The following TSHZ3 variants were observed in gnomAD, a reference collection of about 807,000 sequenced individuals.
The protein encoded by TSHZ3 is teashirt homolog 3.
A neutral mutation model predicts 64.5 loss-of-function variants in TSHZ3; 10 were observed. The observed-to-expected ratio is 0.16, with a 90% CI of 0.10 to 0.26. The LOEUF (loss-of-function observed/expected upper bound fraction) is 0.26, where lower values mean the gene tolerates loss of function less well. TSHZ3 is among the 10% of genes least tolerant of loss of function. The pLI is 1.00. For missense variants in TSHZ3, 1,242 were observed against 1,421.7 expected (o/e 0.87, Z 2.03); for synonymous variants, 608 against 593.1 (o/e 1.03, Z -0.36).
chr19:31,335,418 T>C (rs541798233), intron 1 of TSHZ3, among the ~76,000 whole-genome samples: 30 of 152,162 alleles, frequency 2.0e-4, no homozygotes, highest in Non-Finnish European at 3.5e-4. Context: ...GACACTGCCA[T>C]CCACCTGAAG....
At chr19:31,168,539 G>T (rs554810389) in intron 5 of TSHZ3, among the ~76,000 whole-genome samples, 3 of 152,256 alleles carry the variant, frequency 2.0e-5, no homozygotes, top group African/African-American at 4.8e-5. Flanking sequence ...AATTCCACTT[G>T]GAAAATGGCA....
At chr19:31,208,151 A>G (rs889289809) in intron 4 of TSHZ3, among the ~76,000 whole-genome samples, 2 of 152,228 alleles carry the variant, frequency 1.3e-5, no homozygotes, top group Non-Finnish European at 2.9e-5. Flanking sequence ...TGGGGTCCCA[A>G]GCAACAAAAA....
At chr19:31,301,472 C>T (rs1350754517) in intron 1 of TSHZ3, among the ~76,000 whole-genome samples, 3 of 152,186 alleles carry the variant, frequency 2.0e-5, no homozygotes, top group South Asian at 2.1e-4. Context: ...GCCCTGGTCA[C>T]GCCGTCTTGT....
At chr19:31,212,780 G>A (rs1455625247) in intron 4 of TSHZ3, among the ~76,000 whole-genome samples, 1 of 152,144 alleles carries the variant, frequency 6.6e-6, no homozygotes, top group South Asian at 2.1e-4. Flanking sequence ...TAAAATTTAT[G>A]TCTCACAAAA....
chr19:31,238,556 A>T (rs1432064611), intron 3 of TSHZ3, among the ~76,000 whole-genome samples: 1 of 152,140 alleles, frequency 6.6e-6, no homozygotes, highest in African/African-American at 2.4e-5. Context: ...GTGCCCGGCT[A>T]TGAATTTTGA....
chr19:31,283,761 T>C (rs757116321), intron 1 of TSHZ3, among the ~76,000 whole-genome samples: 20 of 152,356 alleles, frequency 1.3e-4, no homozygotes, highest in Middle Eastern at 3.4e-3. Flanking sequence ...AGTGGAGTAG[T>C]TCCTCTGTGC....
chr19:31,163,506 C>A (rs137904937), intron 5 of TSHZ3, among the ~76,000 whole-genome samples: 1 of 151,948 alleles, frequency 6.6e-6, no homozygotes, highest in Non-Finnish European at 1.5e-5. Flanking sequence ...CCGAGGTGGG[C>A]GGATCACTTG....
At chr19:31,285,700 C>A (rs1489613367) in intron 1 of TSHZ3, among the ~76,000 whole-genome samples, 1 of 131,254 alleles carries the variant, frequency 7.6e-6, no homozygotes, top group Non-Finnish European at 1.6e-5. Flanking sequence ...ACGAGAATTG[C>A]TTGAACCTGG....
chr19:31,232,887 C>T (rs1235430047), intron 3 of TSHZ3, among the ~76,000 whole-genome samples: 1 of 152,220 alleles, frequency 6.6e-6, no homozygotes, highest in Admixed American at 6.5e-5. Flanking sequence ...CATCCATGCA[C>T]GTATCCAGCA....
rs143052575 is a variant in TSHZ3, at chr19:31,224,250, A to G, written n.686+3755T>C. Reference sequence around the variant, plus strand: ...TTTCTGATATGTATTGCTTTCTCCAACTGGGAGTTTCACTAAAGTCCCTCC... The same window carrying G: ...TTTCTGATATGTATTGCTTTCTCCAGCTGGGAGTTTCACTAAAGTCCCTCC... On this transcript the variant is annotated intron_variant and non_coding_transcript_variant, in intron 4 of 6. Coordinates refer to the TSHZ3 transcript ENST00000651361. Among the ~76,000 whole-genome samples the G allele has an allele frequency of 2.2e-4, 33 of 152,298 alleles. No individual in the cohort carries two copies. The East Asian group carries it at 3.3e-3, about 15-fold the overall frequency.
intron 1 of TSHZ3, among the ~76,000 whole-genome samples, chr19:31,334,708 G>A (rs1917192722): frequency 1.3e-5 from 2 of 152,096 alleles, no homozygotes; most frequent in African/African-American, 4.8e-5. Context: ...AAGTTGATGC[G>A]GGGGTCAGTG....
intron 1 of TSHZ3, among the ~76,000 whole-genome samples, chr19:31,314,998 G>A (rs1278290009): frequency 6.6e-6 from 1 of 152,178 alleles, no homozygotes; most frequent in Non-Finnish European, 1.5e-5. Flanking sequence ...TAGAGAGCAT[G>A]GGATGTAATC....
At chr19:31,211,648 C>G (rs1319963927) in intron 4 of TSHZ3, among the ~76,000 whole-genome samples, 3 of 152,094 alleles carry the variant, frequency 2.0e-5, no homozygotes, top group African/African-American at 7.2e-5. Context: ...CAGCCATGGG[C>G]AAATGGCAAA....
chr19:31,196,921 A>G (rs894655088), intron 5 of TSHZ3, among the ~76,000 whole-genome samples: 2 of 151,976 alleles, frequency 1.3e-5, no homozygotes, highest in Admixed American at 6.6e-5. Flanking sequence ...AAAATTAGTA[A>G]GAACACAGTT....
intron 1 of TSHZ3, among the ~76,000 whole-genome samples, chr19:31,255,113 T>C (rs932586070): frequency 6.6e-6 from 1 of 152,064 alleles, no homozygotes; most frequent in African/African-American, 2.4e-5. Flanking sequence ...GGCTCTCTGG[T>C]GACTGGAGAA....
At chr19:31,345,008 C>A (rs979191164) in intron 1 of TSHZ3, among the ~76,000 whole-genome samples, 17 of 152,146 alleles carry the variant, frequency 1.1e-4, no homozygotes, top group African/African-American at 4.1e-4. Flanking sequence ...CCCTGGAGAG[C>A]ACTGAAGCCC....
At chr19:31,287,860 C>T (rs1450868120) in intron 1 of TSHZ3, among the ~76,000 whole-genome samples, 39 of 152,264 alleles carry the variant, frequency 2.6e-4, no homozygotes, top group Non-Finnish European at 1.0e-4. Context: ...GGGTCCATTC[C>T]AATGCTGGGG....
At chr19:31,330,120 C>CTT (rs113308669) in intron 1 of TSHZ3, among the ~76,000 whole-genome samples, 3 of 145,316 alleles carry the variant, frequency 2.1e-5, no homozygotes, top group African/African-American at 7.6e-5. Context: ...GGTCAAGATC[C>CTT]TTTTTTTTTT....
chr19:31,317,841 C>T (rs891969123), intron 1 of TSHZ3, among the ~76,000 whole-genome samples: 10 of 152,256 alleles, frequency 6.6e-5, no homozygotes, highest in East Asian at 1.9e-4. Context: ...ATCTCTTTCA[C>T]GCCTGGGTCC....
Sources: gnomAD v4.1 joint callset for allele counts (sites outside exome capture counted in the v4.1 genomes callset) on GRCh38, gnomAD v4.1.1 for gene constraint, MANE v1.5 for transcripts, NCBI Gene and HGNC (gene_info 2026-07-23, HGNC 2026-07-21) for gene names.